Variants in SLC6A16 observed in about 807,000 individuals in gnomAD.
SLC6A16 encodes the protein orphan sodium- and chloride-dependent neurotransmitter transporter NTT5.
In SLC6A16, 54 loss-of-function variants were observed where a neutral mutation model predicts 65.4. That is an observed-to-expected ratio of 0.83 (90% confidence interval 0.66 to 1.04). The LOEUF (loss-of-function observed/expected upper bound fraction) is 1.04. Ranked by LOEUF, SLC6A16 falls within the 50% of genes least tolerant of loss-of-function variation. The pLI, the probability that SLC6A16 is intolerant of heterozygous loss-of-function variation, is 0.00. For missense variants in SLC6A16, 816 were observed against 914.0 expected, an observed-to-expected ratio of 0.89 and a Z score of 1.38; for synonymous variants, 330 against 346.5, an observed-to-expected ratio of 0.95 and a Z score of 0.53.
At chr19:49,305,502 G>A (rs1216520636) in intron 7 of SLC6A16, among the ~76,000 whole-genome samples, 2 of 150,268 alleles carry the variant, frequency 1.3e-5, no homozygotes, top group Admixed American at 6.7e-5. Context: ...TGAGGCGGGA[G>A]AATCGCTTGA....
intron 1 of SLC6A16, 138 bp downstream of exon 1, chr19:49,324,910 G>A: frequency 5.4e-6 from 2 of 368,298 alleles, no homozygotes; most frequent in Non-Finnish European, 7.5e-6. Context: ...ACAGAGCCCA[G>A]GGCAACCAGG....
the SLC6A16 span, among the ~76,000 whole-genome samples, chr19:49,331,060 A>T: frequency 5.9e-5 from 9 of 152,152 alleles, no homozygotes; most frequent in Non-Finnish European, 4.4e-5. Context: ...AAAGCAACAA[A>T]AATATATTAT....
the SLC6A16 span, among the ~76,000 whole-genome samples, chr19:49,333,961 C>T: frequency 1.3e-5 from 2 of 152,218 alleles, no homozygotes; most frequent in African/African-American, 4.8e-5. Flanking sequence ...CTCCGCTCCT[C>T]GGGCCCCACT....
chr19:49,334,626 T>G, the SLC6A16 span, among the ~76,000 whole-genome samples: 2 of 151,514 alleles, frequency 1.3e-5, no homozygotes, highest in Non-Finnish European at 2.9e-5. Flanking sequence ...AGTCCAGGAG[T>G]TCCAGACCAG....
At chr19:49,339,983 G>A in the SLC6A16 span, 3 of 1,432,940 alleles carry the variant, frequency 2.1e-6, no homozygotes, top group African/African-American at 1.4e-5. The surrounding 1 kb of genome is among the most constrained non-coding windows in gnomAD (Gnocchi z 4.5). Flanking sequence ...GGGGAAGACA[G>A]ATGAGCCTCC....
chr19:49,338,561 C>A, the SLC6A16 span: 1 of 680,662 alleles, frequency 1.5e-6, no homozygotes, highest in Non-Finnish European at 2.6e-6. This position sits in a 1 kb window ranked among gnomAD's most constrained non-coding sequence, Gnocchi z 5.0. Context: ...ATCGTGACCC[C>A]AGCCCACTGT....
chr19:49,298,483 T>A (rs902457768), intron 7 of SLC6A16, among the ~76,000 whole-genome samples: 1 of 152,048 alleles, frequency 6.6e-6, no homozygotes, highest in Admixed American at 6.6e-5. Context: ...CCAACAAATA[T>A]ATGAAAAAAT....
At chr19:49,338,037 C>G in the SLC6A16 span, 33 of 1,613,400 alleles carry the variant, frequency 2.0e-5, no homozygotes, top group African/African-American at 3.9e-4. The surrounding 1 kb of genome is among the most constrained non-coding windows in gnomAD (Gnocchi z 5.0). Flanking sequence ...CAGGTAAGCC[C>G]CCCTCCTCCA....
rs954638139 is a variant in SLC6A16, at chr19:49,292,832, G to A, written c.1778+391C>T. Among the ~76,000 whole-genome samples the A allele has an allele frequency of 6.6e-6, 1 of 152,158 alleles. No individual in the cohort carries two copies. Among genetic ancestry groups the A allele is most frequent in the Non-Finnish European group, 1.5e-5 (1 of 68,032 alleles). On this transcript the variant is annotated intron_variant, in intron 10 of 11. Coordinates refer to ENST00000335875, the MANE Select transcript of SLC6A16 (RefSeq NM_014037.3). The surrounding 1 kb of genome is among the most constrained non-coding windows in gnomAD (Gnocchi z 4.3). ...GGAAGGGCCCTCCCTGAAGTCGTAT[G>A]TGACTTGGTGCCCACACACACTCCC...
At chr19:49,340,200 G>T in the SLC6A16 span, 2 of 1,319,416 alleles carry the variant, frequency 1.5e-6, no homozygotes. Flanking sequence ...CATCACCCCC[G>T]TCTCGCCAGC....
chr19:49,311,048 G>T lies in SLC6A16; in HGVS notation c.300C>A (p.Leu100=), dbSNP rs1568535789. The part of the protein sequence containing the change: ...QMTEKKESEV[L]LARPFWSSKT... ...TGCTGGACCAGAACGGACGGGCAAGGAGGACCTCACTCTCTTTCTTCTCTG... is the reference window on the plus strand; with the variant it reads ...TGCTGGACCAGAACGGACGGGCAAGTAGGACCTCACTCTCTTTCTTCTCTG... Residue 100 remains leucine, a synonymous_variant, in exon 2 of 12, where the codon CTC becomes CTA. Transcript: ENST00000335875. 10 of 1,614,224 alleles carry T rather than the reference G, an allele frequency of 6.2e-6. No individual in the cohort carries two copies. Among genetic ancestry groups the T allele is most frequent in the Non-Finnish European group, 7.6e-6 (9 of 1,180,044 alleles).
In SLC6A16 at chr19:49,293,229, GC is replaced by G; in HGVS notation, c.1771del (p.Ala591ProfsTer8). 6.2e-7 allele frequency: 1 copy of G among 1,614,020 alleles called. No homozygotes were observed. Among genetic ancestry groups the G allele is most frequent in the Non-Finnish European group, 8.5e-7 (1 of 1,180,008 alleles). On this transcript the variant is annotated frameshift_variant, in exon 10 of 12. Coordinates refer to ENST00000335875, the MANE Select transcript of SLC6A16 (RefSeq NM_014037.3). LOFTEE classifies it high-confidence loss of function. ...CCTGGGCTTAGGACATCACCTCCTG[GC>G]CCCATAGGCCCAGGATACAGCCATG... Reference protein sequence around the residue: ...ETMAVSWAYGARRFLADLTIL... With the variant: ...ETMAVSWAYGXRRFLADLTIL...
At chr19:49,302,276 A>G (rs922973133) in intron 7 of SLC6A16, among the ~76,000 whole-genome samples, 17 of 152,104 alleles carry the variant, frequency 1.1e-4, no homozygotes, top group African/African-American at 4.1e-4. Context: ...CCTGGCCCCT[A>G]GATGCTAGGC....
chr19:49,334,466 G>A, the SLC6A16 span, among the ~76,000 whole-genome samples: 3 of 151,896 alleles, frequency 2.0e-5, no homozygotes, highest in African/African-American at 4.8e-5. Context: ...CAGCCTGGGC[G>A]ACCCTGTCTC....
chr19:49,335,801 GGCAGGT>G, the SLC6A16 span: 4 of 1,601,390 alleles, frequency 2.5e-6, no homozygotes, highest in Non-Finnish European at 3.4e-6. This position sits in a 1 kb window ranked among gnomAD's most constrained non-coding sequence, Gnocchi z 4.6. Context: ...GGGGGGCTGG[GGCAGGT>G]GGGAGGGCCT....
intron 3 of SLC6A16, 79 bp from the exon 4 acceptor site, chr19:49,310,245 A>G: frequency 1.2e-6 from 2 of 1,605,618 alleles, no homozygotes; most frequent in Non-Finnish European, 1.7e-6. Flanking sequence ...GGATTGGGGA[A>G]CCAAAGGGAT....
At chr19:49,290,470 G>A (rs1251477895) in intron 11 of SLC6A16, 78 bp from the exon 12 acceptor site, 5 of 1,571,226 alleles carry the variant, frequency 3.2e-6, no homozygotes, top group South Asian at 2.3e-5. Context: ...GGAAGGATGG[G>A]TGGGGAACCA....
chr19:49,334,180 G>A, the SLC6A16 span, among the ~76,000 whole-genome samples: 1 of 152,218 alleles, frequency 6.6e-6, no homozygotes, highest in African/African-American at 2.4e-5. Context: ...GTGGGGAAGG[G>A]GGAGACAGAG....
Position 49,309,812 on chromosome 19 carries a change from G to T in SLC6A16, c.715C>A (p.Arg239=). 1 of 1,610,904 alleles carries T rather than the reference G, an allele frequency of 6.2e-7. No individual in the cohort carries two copies. Among genetic ancestry groups the T allele is most frequent in the Middle Eastern group, 1.7e-4 (1 of 5,960 alleles). Residue 239 remains arginine, a synonymous_variant, in exon 5 of 12, where the codon CGG becomes AGG. Transcript: ENST00000335875. ...NSSGFDPECE[R]TTPSIYFWYQ... is the part of the protein sequence containing the mutation. Reference sequence around the variant, plus strand: ...CAGAAGTATATGGAGGGTGTTGTCCGTTCACATTCAGGATCTGGGGGGACC... The same window carrying T: ...CAGAAGTATATGGAGGGTGTTGTCCTTTCACATTCAGGATCTGGGGGGACC...
Sources: allele counts gnomAD v4.1 joint callset (sites outside exome capture counted in the v4.1 genomes callset), GRCh38; gene constraint gnomAD v4.1.1; non-coding constraint Gnocchi (gnomAD v3.1); transcripts MANE v1.5; gene names NCBI Gene and HGNC (gene_info 2026-07-23, HGNC 2026-07-21).